FAM171A1: variants seen among roughly 807,000 people sequenced by gnomAD.
FAM171A1 encodes the protein protein FAM171A1.
In FAM171A1, 23 loss-of-function variants were observed where a neutral mutation model predicts 74.9. The observed-to-expected ratio is 0.31, with a 90% CI of 0.22 to 0.44. The LOEUF (loss-of-function observed/expected upper bound fraction) is 0.44. FAM171A1 is among the 20% of genes least tolerant of loss of function. FAM171A1 has a pLI of 1.00. For missense variants in FAM171A1, 1,162 were observed against 1,159.2 expected, an observed-to-expected ratio of 1.00 and a Z score of -0.03; for synonymous variants, 527 against 505.7, an observed-to-expected ratio of 1.04 and a Z score of -0.57.
intron 5 of FAM171A1, among the ~76,000 whole-genome samples, chr10:15,235,919 C>G (rs540762365): frequency 2.0e-5 from 3 of 152,214 alleles, no homozygotes; most frequent in Non-Finnish European, 4.4e-5. Flanking sequence ...TCCTCACCTA[C>G]AAGGTGAGGA....
At chr10:15,368,232 C>T (rs9329345) in intron 1 of FAM171A1, among the ~76,000 whole-genome samples, 2,390 of 152,222 alleles carry the variant, frequency 0.016, 71 homozygotes, top group African/African-American at 0.054. Flanking sequence ...GAAGCAGCTA[C>T]GGGAAGAGAG....
intron 1 of FAM171A1, 36 bp from the exon 2 acceptor site, chr10:15,284,141 C>T: frequency 3.2e-6 from 5 of 1,581,812 alleles, no homozygotes; most frequent in Non-Finnish European, 3.5e-6. Flanking sequence ...CAGCTACTGT[C>T]AATGGGAAAC....
At chr10:15,254,450 A>G (rs535062507) in intron 4 of FAM171A1, among the ~76,000 whole-genome samples, 2 of 152,386 alleles carry the variant, frequency 1.3e-5, no homozygotes, top group South Asian at 4.1e-4. Flanking sequence ...GAATATATTT[A>G]GTCCACCAAA....
intron 3 of FAM171A1, among the ~76,000 whole-genome samples, chr10:15,258,310 C>G (rs1321940191): frequency 2.9e-5 from 4 of 136,262 alleles, no homozygotes; most frequent in Non-Finnish European, 6.4e-5. Context: ...ATCCGCCTGC[C>G]TCAGCCTCCC....
intron 1 of FAM171A1, among the ~76,000 whole-genome samples, chr10:15,345,218 T>C (rs1835804905): frequency 6.6e-6 from 1 of 152,142 alleles, no homozygotes; most frequent in Non-Finnish European, 1.5e-5. Flanking sequence ...CAGAAAACAC[T>C]GCGCAGGACC....
chr10:15,368,823 C>G (rs1237687116), intron 1 of FAM171A1, among the ~76,000 whole-genome samples: 6 of 152,184 alleles, frequency 3.9e-5, no homozygotes, highest in African/African-American at 1.4e-4. Flanking sequence ...CATTAAGATG[C>G]TTTGAAGAAC....
At chr10:15,318,145 C>T (rs1263643991) in intron 1 of FAM171A1, among the ~76,000 whole-genome samples, 1 of 152,146 alleles carries the variant, frequency 6.6e-6, no homozygotes, top group Non-Finnish European at 1.5e-5. Context: ...TCTGGAGACA[C>T]ATGGTCTTGG....
At chr10:15,357,251 C>G (rs1835944515) in intron 1 of FAM171A1, among the ~76,000 whole-genome samples, 1 of 152,116 alleles carries the variant, frequency 6.6e-6, no homozygotes, top group Non-Finnish European at 1.5e-5. Flanking sequence ...CCATTGCACT[C>G]CAGCCTGGGT....
chr10:15,225,009 C>A, intron 5 of FAM171A1, among the ~76,000 whole-genome samples: 1 of 152,202 alleles, frequency 6.6e-6, no homozygotes, highest in East Asian at 1.9e-4. Flanking sequence ...TTTCCAGAGG[C>A]CTTTCTAGGA....
intron 1 of FAM171A1, among the ~76,000 whole-genome samples, chr10:15,345,355 G>A (rs759691145): frequency 6.6e-6 from 1 of 152,170 alleles, no homozygotes; most frequent in Non-Finnish European, 1.5e-5. Context: ...TCACTGTGCC[G>A]TTCCATAAAT....
chr10:15,231,392 G>A (rs909556961), intron 5 of FAM171A1, among the ~76,000 whole-genome samples: 1 of 151,984 alleles, frequency 6.6e-6, no homozygotes, highest in Non-Finnish European at 1.5e-5. Flanking sequence ...TTATAGAGAT[G>A]GGGTCTTGCT....
chr10:15,306,634 G>C (rs1048523915), intron 1 of FAM171A1, among the ~76,000 whole-genome samples: 2 of 152,188 alleles, frequency 1.3e-5, no homozygotes, highest in African/African-American at 4.8e-5. Context: ...CCAAAGTGCT[G>C]GGATTATAGG....
rs139974823 is a variant in FAM171A1, at chr10:15,213,917, G to C, written c.1671C>G (p.Pro557=). 1.9e-6 allele frequency: 3 copies of C among 1,614,164 alleles called. No individual in the cohort carries two copies. The East Asian group carries it at 6.7e-5, about 36-fold the overall frequency. The change falls in exon 8 of 8, where the codon CCC becomes CCG. Residue 557 remains proline, a synonymous_variant. Coordinates refer to ENST00000378116, the MANE Select transcript of FAM171A1 (RefSeq NM_001010924.2). This position sits in a 1 kb window ranked among gnomAD's most constrained non-coding sequence, Gnocchi z 6.8. ...HLERPTSFPR[P]GQLICCSSVD... is the part of the protein sequence containing the mutation. ...CAGAACTGCAGCAGATTAACTGGCC[G>C]GGCCGTGGGAAGGACGTAGGTCTCT... is the stretch of plus-strand genomic sequence containing the variant.
At chr10:15,263,045 G>C (rs746883549) in intron 3 of FAM171A1, among the ~76,000 whole-genome samples, 1 of 152,194 alleles carries the variant, frequency 6.6e-6, no homozygotes, top group Non-Finnish European at 1.5e-5. Context: ...GCAGCTGCCC[G>C]GGGAACAGGA....
intron 5 of FAM171A1, among the ~76,000 whole-genome samples, chr10:15,221,703 C>T (rs1834041208): frequency 6.6e-6 from 1 of 152,074 alleles, no homozygotes; most frequent in African/African-American, 2.4e-5. Flanking sequence ...TATGCACTAG[C>T]TATTCACAGC....
chr10:15,234,306 C>T (rs1213935515), intron 5 of FAM171A1, among the ~76,000 whole-genome samples: 7 of 152,298 alleles, frequency 4.6e-5, no homozygotes, highest in African/African-American at 1.2e-4. Context: ...AAATAAATTT[C>T]GAATTAAAAA....
chr10:15,356,595 T>C (rs1312523158), intron 1 of FAM171A1, among the ~76,000 whole-genome samples: 1 of 152,134 alleles, frequency 6.6e-6, no homozygotes, highest in East Asian at 1.9e-4. Flanking sequence ...GAAATATTAA[T>C]ACAGAAGAAC....
At chr10:15,245,377 A>C (rs1452837729) in intron 5 of FAM171A1, among the ~76,000 whole-genome samples, 5 of 152,074 alleles carry the variant, frequency 3.3e-5, no homozygotes, top group African/African-American at 9.7e-5. Flanking sequence ...CAATCTGTTG[A>C]CTTTGAGTGA....
chr10:15,303,351 C>A (rs1259568043), intron 1 of FAM171A1, among the ~76,000 whole-genome samples: 1 of 152,158 alleles, frequency 6.6e-6, no homozygotes, highest in Non-Finnish European at 1.5e-5. Context: ...GAATAAATAA[C>A]TACTTTGAAC....
Sources: allele counts gnomAD v4.1 joint callset (sites outside exome capture counted in the v4.1 genomes callset), GRCh38; gene constraint gnomAD v4.1.1; non-coding constraint Gnocchi (gnomAD v3.1); transcripts MANE v1.5; gene names NCBI Gene and HGNC (gene_info 2026-07-23, HGNC 2026-07-21).